NBEA: variants seen among roughly 807,000 people sequenced by gnomAD.
NBEA encodes lysosomal-trafficking regulator 2.
NBEA carries 44 observed loss-of-function variants against 343.4 expected under a neutral mutation model. The ratio of observed to expected loss-of-function variants is 0.13; its 90% confidence interval spans 0.10 to 0.16. The LOEUF is 0.16. Ranked by LOEUF, NBEA falls within the 10% of genes least tolerant of loss-of-function variation. The probability of loss-of-function intolerance (pLI) is 1.00; values close to 1 mark genes in which losing one functional copy is unlikely to be tolerated. For missense variants in NBEA, 2,555 were observed against 3,631.3 expected, an observed-to-expected ratio of 0.70 and a Z score of 7.62; for synonymous variants, 1,175 against 1,238.7, an observed-to-expected ratio of 0.95 and a Z score of 1.08.
chr13:35,110,769 T>C (rs771480098), intron 12 of NBEA, 41 bp from the exon 13 acceptor site: 8 of 1,528,298 alleles, frequency 5.2e-6, no homozygotes, highest in Non-Finnish European at 7.2e-6. Flanking sequence ...ACTTGAGGCA[T>C]TTTAAATTCA....
chr13:35,311,285 T>C (rs1014939893), intron 36 of NBEA, among the ~76,000 whole-genome samples: 5 of 151,764 alleles, frequency 3.3e-5, no homozygotes, highest in African/African-American at 4.8e-5. Context: ...CAATGACATA[T>C]CCACAATTAT....
intron 31 of NBEA, among the ~76,000 whole-genome samples, chr13:35,201,250 C>T (rs966795402): frequency 6.6e-6 from 1 of 151,940 alleles, no homozygotes; most frequent in Admixed American, 6.6e-5. Context: ...GACTTTGTGT[C>T]TCCTGGCATT....
At position 35,211,182 on chromosome 13, in the gene NBEA, A is replaced by G. The variant is rs2152752765; in HGVS notation, c.5648+3A>G. ...GAAGATTCAGCTGAAAATATGAGGT[A>G]TGCATGACTACTTTTTATTCATTTT... is the stretch of plus-strand genomic sequence containing the variant. On this transcript the variant is annotated splice_donor_region_variant and intron_variant, in intron 33 of 58. Coordinates refer to ENST00000379939, the MANE Select transcript of NBEA (RefSeq NM_001385012.1). The G allele has an allele frequency of 6.5e-7, 1 of 1,548,206 alleles. No homozygotes were observed. Among genetic ancestry groups the G allele is most frequent in the Middle Eastern group, 1.7e-4 (1 of 5,966 alleles).
chr13:34,994,393 T>G (rs1281927803), intron 1 of NBEA, among the ~76,000 whole-genome samples: 1 of 151,988 alleles, frequency 6.6e-6, no homozygotes, highest in Admixed American at 6.6e-5. Flanking sequence ...GGGAGATTTA[T>G]TTCAAATGAA....
At chr13:35,308,566 G>A (rs182958047) in intron 35 of NBEA, among the ~76,000 whole-genome samples, 2,948 of 48,914 alleles carry the variant, frequency 0.06, 63 homozygotes, top group African/African-American at 0.076. Flanking sequence ...ATGTATATAT[G>A]TATATATATG....
chr13:35,465,197 T>G (rs1481551519), intron 40 of NBEA, among the ~76,000 whole-genome samples: 3 of 152,122 alleles, frequency 2.0e-5, no homozygotes, highest in African/African-American at 7.2e-5. Context: ...TGTAATATAT[T>G]AATTTAAGTG....
At chr13:35,077,040 A>C (rs952733783) in intron 10 of NBEA, among the ~76,000 whole-genome samples, 33 of 152,058 alleles carry the variant, frequency 2.2e-4, no homozygotes, top group African/African-American at 7.2e-4. Flanking sequence ...GATTGTCACA[A>C]GTGTTTAAAC....
intron 4 of NBEA, 149 bp downstream of exon 4, chr13:35,045,550 T>G: frequency 3.3e-6 from 2 of 603,684 alleles, no homozygotes; most frequent in Non-Finnish European, 5.5e-6. Context: ...TATAATGATT[T>G]GAACAATTTC....
chr13:35,161,796 T>C lies in NBEA; in HGVS notation c.3908T>C (p.Val1303Ala), dbSNP rs957600425. 1 of 1,612,366 alleles carries C rather than the reference T, an allele frequency of 6.2e-7. No homozygotes were observed. Among genetic ancestry groups the C allele is most frequent in the Non-Finnish European group, 8.5e-7 (1 of 1,179,302 alleles). ...ACCCAACAAGACCGAGATCTCCGAGTTGATTTAGGATTTCGAGGAATGCCA... is the reference window on the plus strand; with the variant it reads ...ACCCAACAAGACCGAGATCTCCGAGCTGATTTAGGATTTCGAGGAATGCCA... ...SITQQDRDLRVDLGFRGMPMT... is the reference protein window; with the variant it reads ...SITQQDRDLRADLGFRGMPMT... Residue 1303 changes from valine (V) to alanine (A), a missense_variant, in exon 23 of 59, where the codon GTT (valine) becomes GCT (alanine). Coordinates refer to ENST00000379939, the MANE Select transcript of NBEA (RefSeq NM_001385012.1).
chr13:35,463,715 T>C (rs188375691), intron 40 of NBEA, among the ~76,000 whole-genome samples: 2 of 152,172 alleles, frequency 1.3e-5, no homozygotes, highest in Non-Finnish European at 2.9e-5. Context: ...CCCAAACATC[T>C]TGGCCTAAGT....
chr13:35,044,683 A>T (rs2062780515), intron 2 of NBEA, among the ~76,000 whole-genome samples: 1 of 151,194 alleles, frequency 6.6e-6, no homozygotes, highest in African/African-American at 2.4e-5. Flanking sequence ...ATTTCTGCTA[A>T]GACAGCTTAA....
chr13:35,476,296 CCTGCTGCTGCTGCTGCTGCTGCTG>C lies in NBEA; in HGVS notation c.6585+3796_6585+3819del, dbSNP rs56240021. On this transcript the variant is annotated intron_variant, in intron 41 of 58. Coordinates refer to ENST00000379939, the MANE Select transcript of NBEA (RefSeq NM_001385012.1). ...TCGGAAGTGCTGCAGCGTTGGTTTC[CCTGCTGCTGCTGCTGCTGCTGCTG>C]CTGCTGCTGCTGCTGCTGCTGCTGC... is the stretch of plus-strand genomic sequence containing the variant. 5,195 of 960,982 alleles carry C rather than the reference CCTGCTGCTGCTGCTGCTGCTGCTG, an allele frequency of 5.4e-3. 144 individuals carry two copies. In the African/African-American group the frequency reaches 0.063, roughly 12 times the overall value. The allele number at this position is 960,982 out of a possible 1,614,324, so 59.5% of individuals were successfully genotyped here.
At chr13:35,219,793 C>T (rs907989434) in intron 33 of NBEA, among the ~76,000 whole-genome samples, 4 of 152,102 alleles carry the variant, frequency 2.6e-5, no homozygotes, top group African/African-American at 7.2e-5. Context: ...GAGACCAGTA[C>T]TCCTAGCTCA....
chr13:35,249,797 T>G (rs2152786547), intron 34 of NBEA, among the ~76,000 whole-genome samples: 1 of 152,314 alleles, frequency 6.6e-6, no homozygotes, highest in African/African-American at 2.4e-5. Context: ...GCAGCAGTAT[T>G]AACAAATGGT....
chr13:35,476,576 C>G (rs2075883744), intron 41 of NBEA: 3 of 561,630 alleles, frequency 5.3e-6, no homozygotes, highest in African/African-American at 1.9e-5. Flanking sequence ...TGCGCTTTCC[C>G]GTAATCATTG....
intron 33 of NBEA, among the ~76,000 whole-genome samples, chr13:35,222,958 C>T (rs918560267): frequency 2.0e-5 from 3 of 152,116 alleles, no homozygotes; most frequent in East Asian, 1.9e-4. Context: ...ATGCTGAAAC[C>T]GCATCTCTAA....
intron 52 of NBEA, among the ~76,000 whole-genome samples, chr13:35,650,797 T>C (rs3794392): frequency 0.64 from 97,990 of 152,008 alleles, 32,060 homozygotes; most frequent in Middle Eastern, 0.79. Flanking sequence ...TGGCCCAGTT[T>C]ACCACTTGGG....
intron 36 of NBEA, among the ~76,000 whole-genome samples, chr13:35,322,798 T>A (rs1719123293): frequency 6.6e-6 from 1 of 152,152 alleles, no homozygotes; most frequent in African/African-American, 2.4e-5. Flanking sequence ...ATGGTTAGAT[T>A]TTAAGTAATA....
intron 10 of NBEA, among the ~76,000 whole-genome samples, chr13:35,085,261 C>A (rs532432493): frequency 6.6e-6 from 1 of 151,982 alleles, no homozygotes; most frequent in East Asian, 1.9e-4. Flanking sequence ...GATACCAAAG[C>A]CTGGCAGAGA....
Sources: allele counts gnomAD v4.1 joint callset (sites outside exome capture counted in the v4.1 genomes callset), GRCh38; gene constraint gnomAD v4.1.1; transcripts MANE v1.5; gene names NCBI Gene and HGNC (gene_info 2026-07-23, HGNC 2026-07-21).